PPM1L: variants seen among roughly 807,000 people sequenced by gnomAD.
PPM1L encodes protein phosphatase 1L.
In PPM1L, 13 loss-of-function variants were observed where a neutral mutation model predicts 31.4. That is an observed-to-expected ratio of 0.41 (90% confidence interval 0.27 to 0.66). The LOEUF (loss-of-function observed/expected upper bound fraction) is 0.66, where lower values mean the gene tolerates loss of function less well. Ranked by LOEUF, PPM1L falls within the 30% of genes least tolerant of loss-of-function variation. PPM1L has a pLI of 0.29. For synonymous variants in PPM1L, 184 were observed against 175.4 expected (o/e 1.05, Z -0.39); for missense variants, 326 against 453.7 (o/e 0.72, Z 2.56).
intron 2 of PPM1L, among the ~76,000 whole-genome samples, chr3:161,056,922 G>A (rs1719428931): frequency 6.6e-6 from 1 of 152,020 alleles, no homozygotes; most frequent in African/African-American, 2.4e-5. Context: ...ATTAGCCTGG[G>A]CATGGTGGCG....
intron 1 of PPM1L, among the ~76,000 whole-genome samples, chr3:160,870,266 G>A (rs1461349576): frequency 6.6e-6 from 1 of 152,128 alleles, no homozygotes; most frequent in Non-Finnish European, 1.5e-5. Flanking sequence ...CCCACTCTCC[G>A]GAAAAGAGTT....
At chr3:160,980,866 A>G (rs1196569571) in intron 2 of PPM1L, among the ~76,000 whole-genome samples, 1 of 152,206 alleles carries the variant, frequency 6.6e-6, no homozygotes, top group Admixed American at 6.5e-5. Flanking sequence ...ATGGACATGC[A>G]GTAAACACTC....
At chr3:160,923,697 G>A (rs1020663206) in intron 1 of PPM1L, among the ~76,000 whole-genome samples, 1 of 152,186 alleles carries the variant, frequency 6.6e-6, no homozygotes, top group African/African-American at 2.4e-5. Context: ...GCTTTTAAAT[G>A]AGTAGTAAGG....
chr3:160,875,405 C>T (rs1429591857), intron 1 of PPM1L, among the ~76,000 whole-genome samples: 5 of 152,186 alleles, frequency 3.3e-5, no homozygotes, highest in Admixed American at 6.5e-5. Context: ...TGTGTGACAG[C>T]TAAATCCATT....
chr3:160,989,977 TTTTTGTTTTGTTTTG>T (rs71628438), intron 2 of PPM1L, among the ~76,000 whole-genome samples: 5 of 146,694 alleles, frequency 3.4e-5, no homozygotes, highest in Admixed American at 6.8e-5. Context: ...AGCAACGTTG[TTTTTGTTTTGTTTTG>T]TTTTGTTTTG....
intron 1 of PPM1L, among the ~76,000 whole-genome samples, chr3:160,936,489 G>A (rs1428163200): frequency 6.6e-6 from 1 of 152,186 alleles, no homozygotes; most frequent in Admixed American, 6.5e-5. Context: ...GTATGCAACA[G>A]CTTCTCTAAA....
chr3:160,903,164 A>ATGTGT (rs141428050), intron 1 of PPM1L, among the ~76,000 whole-genome samples: 8 of 106,530 alleles, frequency 7.5e-5, no homozygotes, highest in Non-Finnish European at 1.4e-4. Flanking sequence ...TAGAAGCAAT[A>ATGTGT]GTGTGTGTGT....
At chr3:160,821,939 G>A (rs1047984250) in intron 1 of PPM1L, among the ~76,000 whole-genome samples, 6 of 151,774 alleles carry the variant, frequency 4.0e-5, no homozygotes, top group South Asian at 4.2e-4. Flanking sequence ...ATATAATTTC[G>A]TTTAATTATC....
At position 160,856,736 on chromosome 3, in the gene PPM1L, T is replaced by A. The variant is rs546263780; in HGVS notation, c.399+100029T>A. Among the ~76,000 whole-genome samples, 10 of 152,084 alleles carry A rather than the reference T, an allele frequency of 6.6e-5. 1 individual carries two copies. In the South Asian group the frequency reaches 1.9e-3, roughly 29 times the overall value. Reference sequence around the variant, plus strand: ...TATTACCTGGTGATGAAATAATCTGTACATCAAACCTTCGTGACATGTAAT... The same window carrying A: ...TATTACCTGGTGATGAAATAATCTGAACATCAAACCTTCGTGACATGTAAT... On this transcript the variant is annotated intron_variant, in intron 1 of 3. Coordinates refer to ENST00000498165, the MANE Select transcript of PPM1L (RefSeq NM_139245.4).
chr3:161,021,084 C>T (rs1718223648), intron 2 of PPM1L, among the ~76,000 whole-genome samples: 1 of 151,352 alleles, frequency 6.6e-6, no homozygotes, highest in Non-Finnish European at 1.5e-5. Flanking sequence ...TATTTTCTTT[C>T]TTCTTTGGGG....
At chr3:160,977,224 G>C (rs1218922576) in intron 2 of PPM1L, among the ~76,000 whole-genome samples, 1 of 152,170 alleles carries the variant, frequency 6.6e-6, no homozygotes, top group Non-Finnish European at 1.5e-5. Flanking sequence ...CATTTCTGAT[G>C]AAGCTGGTTT....
At chr3:160,959,958 A>G (rs1715899651) in intron 1 of PPM1L, among the ~76,000 whole-genome samples, 2 of 152,274 alleles carry the variant, frequency 1.3e-5, no homozygotes, top group South Asian at 4.1e-4. Context: ...AATTATGCTC[A>G]TATATATGTA....
chr3:160,855,439 C>T (rs1049824180), intron 1 of PPM1L, among the ~76,000 whole-genome samples: 1 of 152,124 alleles, frequency 6.6e-6, no homozygotes, highest in East Asian at 1.9e-4. Flanking sequence ...AAACCAACAG[C>T]CCACAGAATG....
chr3:160,999,485 A>G (rs1306899923), intron 2 of PPM1L, among the ~76,000 whole-genome samples: 2 of 152,142 alleles, frequency 1.3e-5, no homozygotes, highest in African/African-American at 2.4e-5. Flanking sequence ...CACCCCAGTT[A>G]TTTCTTCTCA....
At chr3:161,046,678 C>T (rs1719086613) in intron 2 of PPM1L, among the ~76,000 whole-genome samples, 1 of 152,130 alleles carries the variant, frequency 6.6e-6, no homozygotes, top group Non-Finnish European at 1.5e-5. Context: ...AACATCAATG[C>T]AAAAATCCTC....
intron 2 of PPM1L, among the ~76,000 whole-genome samples, chr3:160,991,644 A>G (rs1428741718): frequency 6.6e-6 from 1 of 152,042 alleles, no homozygotes; most frequent in Non-Finnish European, 1.5e-5. Context: ...AGTCATACTT[A>G]TTTTCTGTGA....
At chr3:160,818,215 CAAAA>C (rs1408214786) in intron 1 of PPM1L, among the ~76,000 whole-genome samples, 2 of 151,882 alleles carry the variant, frequency 1.3e-5, no homozygotes, top group African/African-American at 2.4e-5. Context: ...GTATCGAACA[CAAAA>C]GAAAGGTTAT....
At chr3:160,971,959 G>T (rs1472473867) in intron 2 of PPM1L, among the ~76,000 whole-genome samples, 1 of 152,008 alleles carries the variant, frequency 6.6e-6, no homozygotes, top group East Asian at 1.9e-4. Context: ...GTAGAGACGG[G>T]TTCTTACTGT....
Position 160,816,261 on chromosome 3 carries a change from T to TTGTGTGTGTGTG in PPM1L, c.399+59575_399+59586dup, listed in dbSNP as rs71147385. Among the ~76,000 whole-genome samples, 678 of 147,976 alleles carry TTGTGTGTGTGTG rather than the reference T, an allele frequency of 4.6e-3. 5 individuals are homozygous for TTGTGTGTGTGTG. Among genetic ancestry groups the TTGTGTGTGTGTG allele is most frequent in the African/African-American group, 0.015 (603 of 40,516 alleles). ...CATTTGCAATCAAGAGCAGTTTCAT[T>TTGTGTGTGTGTG]TGTGTGTGTGTGTGTGTGTGTGTGT... On this transcript the variant is annotated intron_variant, in intron 1 of 3. Coordinates refer to ENST00000498165, the MANE Select transcript of PPM1L (RefSeq NM_139245.4).
Sources: gnomAD v4.1 joint callset for allele counts (sites outside exome capture counted in the v4.1 genomes callset) on GRCh38, gnomAD v4.1.1 for gene constraint, MANE v1.5 for transcripts, NCBI Gene and HGNC (gene_info 2026-07-23, HGNC 2026-07-21) for gene names.